CYP7B1: variants seen among roughly 807,000 people sequenced by gnomAD.
CYP7B1 encodes the protein cytochrome P450 7B1.
Under a neutral mutation model 42.7 loss-of-function variants are expected in CYP7B1, and 29 were observed. That is an observed-to-expected ratio of 0.68 (90% confidence interval 0.51 to 0.93). The LOEUF (loss-of-function observed/expected upper bound fraction) is 0.93. Ranked by LOEUF, CYP7B1 falls within the 40% of genes least tolerant of loss-of-function variation. The pLI is 0.00. For missense variants in CYP7B1, 655 were observed against 600.5 expected, an observed-to-expected ratio of 1.09 and a Z score of -0.95; for synonymous variants, 235 against 218.2, an observed-to-expected ratio of 1.08 and a Z score of -0.68.
At chr8:64,774,717 C>G (rs780652133) in intron 1 of CYP7B1, among the ~76,000 whole-genome samples, 1 of 152,162 alleles carries the variant, frequency 6.6e-6, no homozygotes, top group Non-Finnish European at 1.5e-5. Flanking sequence ...TTCTACTTGC[C>G]TCACGGTTTC....
chr8:64,700,637 T>C (rs971532719), intron 1 of CYP7B1, among the ~76,000 whole-genome samples: 1 of 152,160 alleles, frequency 6.6e-6, no homozygotes, highest in Non-Finnish European at 1.5e-5. Context: ...TCGTGATTGG[T>C]AATAAGCCTC....
chr8:64,795,994 T>C (rs1804697606), intron 1 of CYP7B1, among the ~76,000 whole-genome samples: 1 of 152,248 alleles, frequency 6.6e-6, no homozygotes, highest in Non-Finnish European at 1.5e-5. Context: ...TTATAGGTAA[T>C]ATTTAAATTT....
chr8:64,652,780 C>T (rs898099588), intron 1 of CYP7B1, among the ~76,000 whole-genome samples: 1 of 152,046 alleles, frequency 6.6e-6, no homozygotes, highest in East Asian at 1.9e-4. Flanking sequence ...GGAGGCAGAG[C>T]TTGCAGTGAA....
intron 1 of CYP7B1, among the ~76,000 whole-genome samples, chr8:64,795,000 C>A (rs146330040): frequency 2.0e-5 from 3 of 151,728 alleles, no homozygotes; most frequent in Non-Finnish European, 4.4e-5. Context: ...GTATTACTGG[C>A]GGAAGTGTTC....
At position 64,715,860 on chromosome 8, in the gene CYP7B1, T is replaced by G. The variant is rs999606309; in HGVS notation, c.122+82606A>C. On this transcript the variant is annotated intron_variant, in intron 1 of 5. Transcript: ENST00000310193. ...GCAGGGGAAACCACTAAGTTCCCTA[T>G]GATTTGTTCCCCAAATGAAGAAAAG... Among the ~76,000 whole-genome samples the G allele has an allele frequency of 4.6e-5, 7 of 152,362 alleles. No individual in the cohort carries two copies. In the South Asian group the frequency reaches 1.4e-3, roughly 32 times the overall value.
intron 1 of CYP7B1, among the ~76,000 whole-genome samples, chr8:64,686,007 A>G (rs1806630526): frequency 3.1e-5 from 2 of 63,724 alleles, no homozygotes; most frequent in Non-Finnish European, 6.1e-5. Flanking sequence ...CTGGGAAGTG[A>G]GGAGCCCCTC....
At position 64,606,516 on chromosome 8, in the gene CYP7B1, G is replaced by T. The variant is rs1024541595; in HGVS notation, c.1058-1659C>A. 6.6e-5 allele frequency among the ~76,000 whole-genome samples: 10 copies of T among 152,252 alleles called. 1 individual carries two copies. The highest frequency in any genetic ancestry group is 4.1e-4 in the South Asian group (2 of 4,832). On this transcript the variant is annotated intron_variant, in intron 4 of 5. Transcript: ENST00000310193. ...AAAGCAAAATAATTGTGGGATGGCT[G>T]CTGTGACAGGGCAGGCATATAACAG...
chr8:64,633,063 G>C (rs1346812077), intron 1 of CYP7B1, among the ~76,000 whole-genome samples: 1 of 152,042 alleles, frequency 6.6e-6, no homozygotes, highest in African/African-American at 2.4e-5. Flanking sequence ...AGAAATCAGG[G>C]CTCAAGAGAA....
chr8:64,685,775 G>C (rs1806621400), intron 1 of CYP7B1, among the ~76,000 whole-genome samples: 1 of 51,576 alleles, frequency 1.9e-5, no homozygotes, highest in African/African-American at 5.8e-5. Flanking sequence ...GAGGGAGGTG[G>C]GGGGGGGTCA....
intron 1 of CYP7B1, among the ~76,000 whole-genome samples, chr8:64,675,710 A>G (rs1806436078): frequency 6.6e-6 from 1 of 152,138 alleles, no homozygotes; most frequent in South Asian, 2.1e-4. Context: ...CGTGGTTGAA[A>G]TGTGGAATTT....
intron 1 of CYP7B1, among the ~76,000 whole-genome samples, chr8:64,707,045 A>T (rs1807010232): frequency 6.6e-6 from 1 of 152,048 alleles, no homozygotes; most frequent in Non-Finnish European, 1.5e-5. Flanking sequence ...TTAAACAATA[A>T]TAAATTTATA....
At chr8:64,608,245 CT>C (rs1444462648) in intron 4 of CYP7B1, among the ~76,000 whole-genome samples, 5 of 152,220 alleles carry the variant, frequency 3.3e-5, no homozygotes, top group Non-Finnish European at 7.3e-5. Context: ...CACATATTCT[CT>C]TTTGCTCTCA....
At chr8:64,735,872 GA>G (rs1442878257) in intron 1 of CYP7B1, among the ~76,000 whole-genome samples, 1 of 152,242 alleles carries the variant, frequency 6.6e-6, no homozygotes, top group East Asian at 1.9e-4. Flanking sequence ...GATCGAGAGA[GA>G]AAGGTAAAAT....
At chr8:64,729,656 A>G (rs896696534) in intron 1 of CYP7B1, among the ~76,000 whole-genome samples, 2 of 152,226 alleles carry the variant, frequency 1.3e-5, no homozygotes, top group Middle Eastern at 3.2e-3. Context: ...TAAAAATCTT[A>G]ACCAAGAATA....
chr8:64,694,301 T>G (rs572914963), intron 1 of CYP7B1, among the ~76,000 whole-genome samples: 40 of 152,246 alleles, frequency 2.6e-4, no homozygotes, highest in Non-Finnish European at 5.3e-4. Context: ...AAACCTTATT[T>G]TCATTAAACC....
chr8:64,701,435 C>T (rs1806915304), intron 1 of CYP7B1, among the ~76,000 whole-genome samples: 1 of 152,070 alleles, frequency 6.6e-6, no homozygotes, highest in Admixed American at 6.6e-5. Context: ...CACCAGGCAG[C>T]TTTTGCTGTA....
At chr8:64,734,610 T>C (rs1287558031) in intron 1 of CYP7B1, among the ~76,000 whole-genome samples, 4 of 152,202 alleles carry the variant, frequency 2.6e-5, no homozygotes, top group Non-Finnish European at 5.9e-5. Context: ...TCAACATGAA[T>C]TTTGAAGGGG....
intron 1 of CYP7B1, among the ~76,000 whole-genome samples, chr8:64,683,249 C>T (rs1419391055): frequency 6.6e-6 from 1 of 152,198 alleles, no homozygotes; most frequent in Non-Finnish European, 1.5e-5. Context: ...CAATGGAGTA[C>T]TATCTAGCCA....
intron 1 of CYP7B1, among the ~76,000 whole-genome samples, chr8:64,721,910 A>AT (rs1807242565): frequency 6.6e-6 from 1 of 152,166 alleles, no homozygotes; most frequent in Non-Finnish European, 1.5e-5. Flanking sequence ...TCCACCAAGA[A>AT]TGTCAGTTTA....
Sources: gnomAD v4.1 joint callset for allele counts (sites outside exome capture counted in the v4.1 genomes callset) on GRCh38, gnomAD v4.1.1 for gene constraint, MANE v1.5 for transcripts, NCBI Gene and HGNC (gene_info 2026-07-23, HGNC 2026-07-21) for gene names.